The following XKRX variants were observed in gnomAD, a reference collection of about 807,000 sequenced individuals.
XKRX encodes XK-related protein 2.
In XKRX, 11 loss-of-function variants were observed where a neutral mutation model predicts 22.4. The ratio of observed to expected loss-of-function variants is 0.49; its 90% CI spans 0.31 to 0.81. The LOEUF (loss-of-function observed/expected upper bound fraction) is 0.81. Among genes scored for constraint, XKRX ranks in the 40% least tolerant of loss-of-function variants. The pLI, the probability that XKRX is intolerant of heterozygous loss-of-function variation, is 0.05. For synonymous variants in XKRX, 114 were observed against 132.2 expected, an observed-to-expected ratio of 0.86 and a Z score of 0.94; for missense variants, 320 against 336.5, an observed-to-expected ratio of 0.95 and a Z score of 0.38.
chrX:100,915,578 A>G (rs1467950568), intron 2 of XKRX, among the ~76,000 whole-genome samples: 2 of 111,167 alleles, frequency 1.8e-5, no homozygotes, highest in Non-Finnish European at 3.8e-5. Flanking sequence ...TCTCAAAGAG[A>G]TATCTGCACT....
chrX:100,919,513 A>G (rs903147795), intron 2 of XKRX, among the ~76,000 whole-genome samples: 5 of 111,395 alleles, frequency 4.5e-5, no homozygotes, highest in African/African-American at 1.6e-4. Context: ...ACATATTCAC[A>G]GCAGAGAAAG....
At chrX:100,937,272 T>A in the XKRX span, among the ~76,000 whole-genome samples, 700 of 111,480 alleles carry the variant, frequency 6.3e-3, 5 homozygotes, top group African/African-American at 0.021. Context: ...ATTACAGGCA[T>A]AAGCCACCGC....
At chrX:100,917,669 GAAAGA>G (rs1283580510) in intron 2 of XKRX, among the ~76,000 whole-genome samples, 38 of 42,145 alleles carry the variant, frequency 9.0e-4, no homozygotes, top group South Asian at 1.5e-3. Context: ...AAGAAAGAAA[GAAAGA>G]AAAGAAAGAA....
the XKRX span, among the ~76,000 whole-genome samples, chrX:100,896,161 C>A: frequency 9.0e-6 from 1 of 111,591 alleles, no homozygotes; most frequent in South Asian, 3.8e-4. Context: ...TCACACATTG[C>A]TGCTGGGAAT....
Position 100,928,433 on chromosome X carries a change from C to G in XKRX, c.-129G>C, listed in dbSNP as rs747655572. 35 of 1,133,678 alleles carry G rather than the reference C, an allele frequency of 3.1e-5. 1 individual carries two copies. The South Asian group carries it at 7.9e-4, about 26-fold the overall frequency. 93.4% of individuals were successfully genotyped at this position (1,133,678 alleles called of 1,213,427 possible). ...AGCTCTGTCAAGTCCAGTTTGGGAA[C>G]AGAGATTCACTAGTTAGAGCAAGAA... On this transcript the variant is annotated 5_prime_UTR_variant, in exon 1 of 3. Coordinates refer to ENST00000372956, the MANE Select transcript of XKRX (RefSeq NM_212559.3).
intron 2 of XKRX, among the ~76,000 whole-genome samples, chrX:100,919,505 AT>A (rs2085461413): frequency 9.1e-6 from 1 of 109,880 alleles, no homozygotes; most frequent in Non-Finnish European, 1.9e-5. Context: ...ATATGCATAC[AT>A]ATTCACAGCA....
chrX:100,950,045 T>C, the XKRX span, among the ~76,000 whole-genome samples: 3 of 111,676 alleles, frequency 2.7e-5, no homozygotes, highest in Non-Finnish European at 5.7e-5. Flanking sequence ...AACTTGAATA[T>C]AGAACAACAA....
the XKRX span, chrX:100,888,503 A>C: frequency 1.3e-6 from 1 of 797,023 alleles, no homozygotes; most frequent in Non-Finnish European, 1.9e-6. Flanking sequence ...ATGGCTCCTC[A>C]GGCTCTCGTC....
intron 2 of XKRX, among the ~76,000 whole-genome samples, chrX:100,917,666 AAAG>A (rs1309794753): frequency 0.027 from 910 of 33,203 alleles, 7 homozygotes; most frequent in Non-Finnish European, 0.04. Context: ...AGAAAGAAAG[AAAG>A]AAAGAAAAGA....
At chrX:100,944,478 T>A in the XKRX span, among the ~76,000 whole-genome samples, 1 of 111,817 alleles carries the variant, frequency 8.9e-6, no homozygotes, top group Non-Finnish European at 1.9e-5. Flanking sequence ...TTCTCCTGCC[T>A]CAGCCTCCCA....
At chrX:100,910,808 C>T (rs1217576754), downstream of XKRX, 35 of 780,463 alleles carry the variant, frequency 4.5e-5, no homozygotes, top group Admixed American at 3.9e-4. Flanking sequence ...CGAGAGGCTA[C>T]GAACGTTCAA....
At chrX:100,922,123 G>A (rs1275252920) in intron 2 of XKRX, among the ~76,000 whole-genome samples, 4 of 110,734 alleles carry the variant, frequency 3.6e-5, no homozygotes, top group Admixed American at 9.7e-5. Context: ...TTGAACCACC[G>A]TGCCCAGCCC....
At chrX:100,917,674 A>AAAGAAAGAAAAGAAAGAAAGAAAGAAAG (rs34196882) in intron 2 of XKRX, among the ~76,000 whole-genome samples, 9 of 25,399 alleles carry the variant, frequency 3.5e-4, no homozygotes, top group African/African-American at 7.1e-4. Context: ...AGAAAGAAAG[A>AAAGAAAGAAAAGAAAGAAAGAAAGAAAG]AAAGAAAGAA....
At chrX:100,953,520 A>G in the XKRX span, among the ~76,000 whole-genome samples, 3 of 112,344 alleles carry the variant, frequency 2.7e-5, no homozygotes, top group East Asian at 8.3e-4. Context: ...GCTGCAAATA[A>G]TACTATCAAG....
At chrX:100,934,538 T>A in the XKRX span, among the ~76,000 whole-genome samples, 2 of 111,727 alleles carry the variant, frequency 1.8e-5, no homozygotes, top group African/African-American at 3.3e-5. Context: ...GGGTAATCTA[T>A]CTACTGATTT....
At chrX:100,895,165 T>G in the XKRX span, among the ~76,000 whole-genome samples, 1 of 112,291 alleles carries the variant, frequency 8.9e-6, no homozygotes, top group Non-Finnish European at 1.9e-5. Flanking sequence ...GTCCCCAGCC[T>G]AGGCTGGTAT....
intron 2 of XKRX, among the ~76,000 whole-genome samples, chrX:100,916,990 GCAC>G (rs2085439460): frequency 8.9e-6 from 1 of 111,862 alleles, no homozygotes; most frequent in Admixed American, 9.5e-5. Flanking sequence ...GTGGTGGCGT[GCAC>G]CTGTATTCCC....
At chrX:100,953,191 G>A in the XKRX span, among the ~76,000 whole-genome samples, 1 of 111,500 alleles carries the variant, frequency 9.0e-6, no homozygotes, top group Non-Finnish European at 1.9e-5. Flanking sequence ...TGGAGGCTGA[G>A]GTCAGGGGAT....
At chrX:100,935,220 G>A in the XKRX span, among the ~76,000 whole-genome samples, 3 of 110,835 alleles carry the variant, frequency 2.7e-5, no homozygotes, top group Admixed American at 2.9e-4. Context: ...CTTTGTGGGG[G>A]TTGCTGTCCA....
Sources: allele counts gnomAD v4.1 joint callset (sites outside exome capture counted in the v4.1 genomes callset), GRCh38; gene constraint gnomAD v4.1.1; transcripts MANE v1.5; gene names NCBI Gene and HGNC (gene_info 2026-07-23, HGNC 2026-07-21).